SLC38A6: variants seen among roughly 807,000 people sequenced by gnomAD.
The protein encoded by SLC38A6 is N system amino acid transporter NAT-1.
SLC38A6 carries 73 observed loss-of-function variants against 65.0 expected under a neutral mutation model. The ratio of observed to expected loss-of-function variants is 1.12; its 90% CI spans 0.93 to 1.37. The LOEUF is 1.37. Among genes scored for constraint, SLC38A6 ranks in the 40% most tolerant of loss-of-function variants. The pLI is 0.00. For missense variants in SLC38A6, 561 were observed against 531.1 expected (o/e 1.06, Z -0.55); for synonymous variants, 183 against 178.8 (o/e 1.02, Z -0.19).
chr14:61,010,208 C>T (rs562877827), intron 3 of SLC38A6, among the ~76,000 whole-genome samples: 13 of 152,218 alleles, frequency 8.5e-5, no homozygotes, highest in South Asian at 2.1e-4. Flanking sequence ...TCATATCCTT[C>T]GCCCACTTGT....
intron 5 of SLC38A6, among the ~76,000 whole-genome samples, chr14:61,021,871 A>G (rs1383479100): frequency 6.6e-6 from 1 of 152,078 alleles, no homozygotes; most frequent in Non-Finnish European, 1.5e-5. Context: ...TTTCTTTATT[A>G]TAATAGAATT....
chr14:61,035,135 A>G (rs2041265085), intron 6 of SLC38A6, among the ~76,000 whole-genome samples: 1 of 152,156 alleles, frequency 6.6e-6, no homozygotes, highest in Non-Finnish European at 1.5e-5. Context: ...TTGATGCCCC[A>G]AGCTCCCATT....
intron 15 of SLC38A6, among the ~76,000 whole-genome samples, chr14:61,065,268 C>T (rs896519187): frequency 6.6e-6 from 1 of 152,160 alleles, no homozygotes; most frequent in Non-Finnish European, 1.5e-5. Context: ...ACTGGATCAA[C>T]CCAACCTCTC....
At chr14:61,025,107 C>G (rs1416453874) in intron 5 of SLC38A6, among the ~76,000 whole-genome samples, 1 of 152,172 alleles carries the variant, frequency 6.6e-6, no homozygotes, top group Non-Finnish European at 1.5e-5. Context: ...AATCCACACA[C>G]CTTACTCTTG....
intron 16 of SLC38A6, among the ~76,000 whole-genome samples, chr14:61,079,538 C>G (rs1354700174): frequency 6.6e-6 from 1 of 152,198 alleles, no homozygotes; most frequent in African/African-American, 2.4e-5. Flanking sequence ...TCAACCTCCT[C>G]TAGAAGGACT....
intron 8 of SLC38A6, 124 bp from the exon 9 acceptor site, chr14:61,043,023 C>A: frequency 1.6e-6 from 1 of 615,228 alleles, no homozygotes. Flanking sequence ...CGGGAAAAGT[C>A]ACAGAAGCAG....
At chr14:60,998,826 C>A (rs1433818300) in intron 3 of SLC38A6, among the ~76,000 whole-genome samples, 1 of 152,170 alleles carries the variant, frequency 6.6e-6, no homozygotes, top group Non-Finnish European at 1.5e-5. Context: ...GTGCAGCAGC[C>A]GAACAGAACA....
chr14:61,019,116 A>G (rs1361490967), intron 4 of SLC38A6, among the ~76,000 whole-genome samples: 2 of 152,174 alleles, frequency 1.3e-5, no homozygotes, highest in African/African-American at 4.8e-5. Flanking sequence ...ATAGTCAGAA[A>G]ACTTATATCA....
chr14:61,068,819 G>A (rs2043118005), intron 15 of SLC38A6, among the ~76,000 whole-genome samples: 1 of 152,294 alleles, frequency 6.6e-6, no homozygotes, highest in Non-Finnish European at 1.5e-5. Context: ...GACAGTGCCT[G>A]GTACTTTGGA....
intron 5 of SLC38A6, among the ~76,000 whole-genome samples, chr14:61,025,945 G>T: frequency 6.6e-6 from 1 of 152,164 alleles, no homozygotes; most frequent in East Asian, 1.9e-4. Context: ...TTTTTTCCCC[G>T]TAGCACATCC....
At chr14:61,062,721 C>A (rs540543932) in intron 15 of SLC38A6, among the ~76,000 whole-genome samples, 1 of 152,146 alleles carries the variant, frequency 6.6e-6, no homozygotes, top group Admixed American at 6.5e-5. Flanking sequence ...ACTTCCGTCA[C>A]CCAGGCTGGA....
chr14:60,986,799 C>A (rs1157873522), intron 3 of SLC38A6, among the ~76,000 whole-genome samples: 1 of 152,098 alleles, frequency 6.6e-6, no homozygotes, highest in East Asian at 1.9e-4. Context: ...AACTATGTGG[C>A]AATTATGTCT....
In SLC38A6 at chr14:61,051,869, A is replaced by G; in HGVS notation, c.1133A>G (p.Asn378Ser). The G allele has an allele frequency of 4.3e-6, 7 of 1,612,108 alleles. No homozygotes were observed. The highest frequency in any genetic ancestry group is 5.9e-6 in the Non-Finnish European group (7 of 1,179,258). Reference sequence around the variant, plus strand: ...CATTTTTTGATCACTCTAGCACTCAATATTATCATCGTTTTACTTGCAATA... The same window carrying G: ...CATTTTTTGATCACTCTAGCACTCAGTATTATCATCGTTTTACTTGCAATA... ...IRHFLITLAL[N>S]IIIVLLAIYV... The change falls in exon 14 of 16, where the codon AAT becomes AGT. Residue 378 changes from asparagine to serine, a missense_variant. Coordinates refer to ENST00000267488, the MANE Select transcript of SLC38A6 (RefSeq NM_153811.3).
chr14:61,051,207 T>C (rs927187091), intron 13 of SLC38A6, among the ~76,000 whole-genome samples: 3 of 152,178 alleles, frequency 2.0e-5, no homozygotes, highest in African/African-American at 7.2e-5. Flanking sequence ...ATGTCTTGAA[T>C]CTCTAATGCT....
Position 61,043,211 on chromosome 14 carries a change from A to G in SLC38A6, c.689A>G (p.Gln230Arg). The G allele has an allele frequency of 6.8e-7, 1 of 1,472,240 alleles. No individual in the cohort carries two copies. The highest frequency in any genetic ancestry group is 9.3e-7 in the Non-Finnish European group (1 of 1,075,496). The allele number at this position is 1,472,240 out of a possible 1,614,324, so 91.2% of individuals were successfully genotyped here. The change falls in exon 9 of 16, where the codon CAG becomes CGG. Residue 230 changes from glutamine to arginine, a missense_variant and splice_region_variant. Coordinates refer to ENST00000267488, the MANE Select transcript of SLC38A6 (RefSeq NM_153811.3). ...TTAAATTATGTAGAGAAAGGTTTCC[A>G]GGTAATAGCTTATATTTTCTTTTCA... The part of the protein sequence containing the change: ...LTLNYVEKGF[Q>R]ISNVTDDCKP...
chr14:60,988,082 C>T (rs749698169), intron 3 of SLC38A6, among the ~76,000 whole-genome samples: 23 of 152,362 alleles, frequency 1.5e-4, no homozygotes, highest in Non-Finnish European at 2.9e-4. Context: ...CAGCAAAACT[C>T]ACATGTCTCT....
intron 6 of SLC38A6, among the ~76,000 whole-genome samples, chr14:61,033,501 C>T (rs1217145293): frequency 2.6e-5 from 4 of 151,992 alleles, no homozygotes; most frequent in Non-Finnish European, 5.9e-5. Context: ...TTAGATCGTT[C>T]TTTATTCCCC....
intron 9 of SLC38A6, 84 bp from the exon 10 acceptor site, chr14:61,043,363 GTAA>G (rs1369697598): frequency 1.7e-6 from 2 of 1,185,720 alleles, no homozygotes; most frequent in Non-Finnish European, 2.4e-6. Context: ...TGAAAGCCTA[GTAA>G]TAATAAATTC....
intron 6 of SLC38A6, 73 bp from the exon 7 acceptor site, chr14:61,036,986 G>A (rs1216662301): frequency 1.4e-6 from 1 of 734,338 alleles, no homozygotes; most frequent in Non-Finnish European, 2.5e-6. Context: ...GTGTGTGTGT[G>A]TGTGTGTGTG....
Sources: allele counts gnomAD v4.1 joint callset (sites outside exome capture counted in the v4.1 genomes callset), GRCh38; gene constraint gnomAD v4.1.1; transcripts MANE v1.5; gene names NCBI Gene and HGNC (gene_info 2026-07-23, HGNC 2026-07-21).